ZNF608: variants seen among roughly 807,000 people sequenced by gnomAD.
ZNF608 encodes the protein zinc finger protein 608, also known as renal carcinoma antigen NY-REN-36.
A neutral mutation model predicts 109.0 loss-of-function variants in ZNF608; 12 were observed. That is an observed-to-expected ratio of 0.11 (90% CI 0.07 to 0.18). ZNF608 has a LOEUF of 0.18. Ranked by LOEUF, ZNF608 falls within the 10% of genes least tolerant of loss-of-function variation. The pLI is 1.00. For synonymous variants in ZNF608, 732 were observed against 717.4 expected, an observed-to-expected ratio of 1.02 and a Z score of -0.33; for missense variants, 1,707 against 1,879.3, an observed-to-expected ratio of 0.91 and a Z score of 1.70.
intron 2 of ZNF608, 143 bp from the exon 3 acceptor site, chr5:124,701,412 CA>C: frequency 1.8e-6 from 2 of 1,084,546 alleles, no homozygotes; most frequent in Non-Finnish European, 2.6e-6. Context: ...TTAATGGTGC[CA>C]AAATATAAAG....
upstream of ZNF608, among the ~76,000 whole-genome samples, chr5:124,746,983 C>T (rs1246930543): frequency 2.6e-5 from 4 of 151,088 alleles, no homozygotes; most frequent in Admixed American, 2.6e-4. Context: ...GGGAAAATAA[C>T]GGCGTTTAAA....
At chr5:124,710,986 G>A (rs755577045) in intron 2 of ZNF608, among the ~76,000 whole-genome samples, 1 of 152,198 alleles carries the variant, frequency 6.6e-6, no homozygotes, top group Non-Finnish European at 1.5e-5. Flanking sequence ...ATCTGATTGT[G>A]TAAACTGAAG....
intron 2 of ZNF608, among the ~76,000 whole-genome samples, chr5:124,724,507 A>AG (rs1754060855): frequency 6.6e-6 from 1 of 151,542 alleles, no homozygotes; most frequent in Non-Finnish European, 1.5e-5. Context: ...AAAAAAAAAA[A>AG]AAAAAAAAGA....
Position 124,745,180 on chromosome 5 carries a change from G to GC in ZNF608, c.-183-9_-183-8insG. 1.3e-6 allele frequency: 1 copy of GC among 753,480 alleles called. No homozygotes were observed. Among genetic ancestry groups the GC allele is most frequent in the African/African-American group, 2.2e-5 (1 of 44,806 alleles). 46.7% of individuals were successfully genotyped at this position (753,480 alleles called of 1,614,324 possible). On this transcript the variant is annotated splice_polypyrimidine_tract_variant and intron_variant, in intron 1 of 9. Transcript: ENST00000513986. ...GTCCAGGTCCACCTTTTCCTGTGAA[G>GC]GGGGGGGGAAAAGTCGAATATTTCT...
At chr5:124,717,973 A>G (rs1254898942) in intron 2 of ZNF608, among the ~76,000 whole-genome samples, 1 of 152,234 alleles carries the variant, frequency 6.6e-6, no homozygotes, top group East Asian at 1.9e-4. Context: ...TCTATAAAGC[A>G]GAATCACACC....
chr5:124,702,850 C>T (rs1246286964), intron 2 of ZNF608, among the ~76,000 whole-genome samples: 2 of 152,198 alleles, frequency 1.3e-5, no homozygotes, highest in African/African-American at 4.8e-5. Context: ...CCCCAAACCC[C>T]AGATACTGTG....
chr5:124,645,027 T>C (rs1435031891), intron 5 of ZNF608, among the ~76,000 whole-genome samples: 1 of 152,216 alleles, frequency 6.6e-6, no homozygotes, highest in Non-Finnish European at 1.5e-5. Flanking sequence ...TCCTCAGACA[T>C]ATTTAATTCT....
rs1554087944 is a variant in ZNF608, at chr5:124,690,948, C to CACACAA, written c.1162+10065_1162+10066insTTGTGT. 2.4e-4 allele frequency among the ~76,000 whole-genome samples: 34 copies of CACACAA among 139,658 alleles called. 1 individual carries two copies. The highest frequency in any genetic ancestry group is 2.0e-4 in the East Asian group (1 of 5,058). 91.6% of individuals were successfully genotyped at this position (139,658 alleles called of 152,430 possible). ...AAACACACACACACACACACACACA[C>CACACAA]ACACACATAATGGAAAAGTGTGCAA... On this transcript the variant is annotated intron_variant, in intron 3 of 9. Transcript: ENST00000513986.
At chr5:124,687,882 A>G (rs1752466421) in intron 3 of ZNF608, among the ~76,000 whole-genome samples, 1 of 152,168 alleles carries the variant, frequency 6.6e-6, no homozygotes, top group Non-Finnish European at 1.5e-5. Context: ...ACAAGGGAAA[A>G]GAGACTACAA....
intron 2 of ZNF608, among the ~76,000 whole-genome samples, chr5:124,725,259 T>C (rs548763353): frequency 4.7e-4 from 71 of 151,996 alleles, no homozygotes; most frequent in African/African-American, 1.3e-3. Context: ...TTCTCCCTTA[T>C]AGCACGTAAC....
At chr5:124,720,508 G>A (rs936787430) in intron 2 of ZNF608, among the ~76,000 whole-genome samples, 7 of 152,182 alleles carry the variant, frequency 4.6e-5, no homozygotes, top group Non-Finnish European at 1.0e-4. Context: ...AATTCATTCA[G>A]GTGAAACAGA....
At chr5:124,745,434 T>C (rs576903819) in intron 1 of ZNF608, 2 of 155,368 alleles carry the variant, frequency 1.3e-5, no homozygotes, top group African/African-American at 4.8e-5. Context: ...TTTAAAAGCA[T>C]TAAATTATCT....
At chr5:124,722,502 AC>A (rs1424947088) in intron 2 of ZNF608, among the ~76,000 whole-genome samples, 3 of 151,754 alleles carry the variant, frequency 2.0e-5, no homozygotes, top group Non-Finnish European at 4.4e-5. Context: ...CTAATTAACC[AC>A]CTGTAAAACA....
At chr5:124,641,879 T>C (rs67824669) in intron 7 of ZNF608, among the ~76,000 whole-genome samples, 28,213 of 152,156 alleles carry the variant, frequency 0.19, 2,887 homozygotes, top group African/African-American at 0.28. Flanking sequence ...TATATGCCAA[T>C]ATAAAGCACA....
chr5:124,677,408 C>G (rs1442331313), intron 3 of ZNF608, among the ~76,000 whole-genome samples: 2 of 152,204 alleles, frequency 1.3e-5, no homozygotes, highest in Non-Finnish European at 2.9e-5. Context: ...AACACACAGT[C>G]TATGGTGTCC....
Position 124,639,332 on chromosome 5 carries a change from CAT to C in ZNF608, c.4451-120_4451-119del, listed in dbSNP as rs1296545631. ...CATGGTGTCCTCTCCTAAACACACA[CAT>C]GAACTGTTTCATGCAGCAAGGACAC... On this transcript the variant is annotated intron_variant, in intron 8 of 9. Transcript: ENST00000513986. The C allele has an allele frequency of 3.3e-5, 26 of 778,932 alleles. 1 individual carries two copies. The East Asian group carries it at 5.9e-4, about 18-fold the overall frequency. 48.3% of individuals were successfully genotyped at this position (778,932 alleles called of 1,614,324 possible). A position where few individuals can be genotyped will look rare whatever the true frequency, so the allele number is the denominator to read the frequency against.
chr5:124,746,640 G>A (rs1037145612), upstream of ZNF608: 15 of 985,230 alleles, frequency 1.5e-5, no homozygotes, highest in Non-Finnish European at 1.8e-5. Flanking sequence ...CGCTAGTAAC[G>A]AGACAGAATG....
Position 124,746,561 on chromosome 5 carries a change from C to T in ZNF608, c.-550G>A, listed in dbSNP as rs977167566. On this transcript the variant is annotated 5_prime_UTR_variant, in exon 1 of 10. Coordinates refer to ENST00000513986, the MANE Select transcript of ZNF608 (RefSeq NM_020747.3). ...AAAAAGTTTTCCCAACTTCTCATTC[C>T]GCCTTCAGTTCCAGACTTCAGAGTC... is the stretch of plus-strand genomic sequence containing the variant. 5.1e-6 allele frequency: 5 copies of T among 985,198 alleles called. No homozygotes were observed. The Admixed American group carries it at 1.8e-4, about 36-fold the overall frequency. The allele number at this position is 985,198 out of a possible 1,614,324, so 61.0% of individuals were successfully genotyped here.
intron 2 of ZNF608, among the ~76,000 whole-genome samples, chr5:124,726,934 G>T (rs1748636027): frequency 1.3e-5 from 2 of 152,140 alleles, no homozygotes; most frequent in Admixed American, 1.3e-4. Context: ...CAACCAACTG[G>T]GATTCCGGGC....
Sources: gnomAD v4.1 joint callset for allele counts (sites outside exome capture counted in the v4.1 genomes callset) on GRCh38, gnomAD v4.1.1 for gene constraint, MANE v1.5 for transcripts, NCBI Gene and HGNC (gene_info 2026-07-23, HGNC 2026-07-21) for gene names.